Variants in VPS8 observed in about 807,000 individuals in gnomAD.
The protein encoded by VPS8 is VPS8 subunit of CORVET complex.
VPS8 carries 129 observed loss-of-function variants against 216.4 expected under a neutral mutation model. That is an observed-to-expected ratio of 0.60 (90% CI 0.52 to 0.69). VPS8 has a LOEUF of 0.69. Among genes scored for constraint, VPS8 ranks in the 30% least tolerant of loss-of-function variants. VPS8 has a pLI of 0.00. For synonymous variants in VPS8, 571 were observed against 565.4 expected, an observed-to-expected ratio of 1.01 and a Z score of -0.14; for missense variants, 1,531 against 1,683.5, an observed-to-expected ratio of 0.91 and a Z score of 1.59.
intron 36 of VPS8, among the ~76,000 whole-genome samples, chr3:184,940,718 G>A (rs924425336): frequency 6.6e-6 from 1 of 152,158 alleles, no homozygotes; most frequent in Non-Finnish European, 1.5e-5. Context: ...GGGAAGGAAA[G>A]TTTAAATGTG....
At chr3:184,843,698 T>C (rs1187955399) in intron 8 of VPS8, among the ~76,000 whole-genome samples, 1 of 152,232 alleles carries the variant, frequency 6.6e-6, no homozygotes, top group Non-Finnish European at 1.5e-5. Flanking sequence ...CTTTTCCTGT[T>C]ATATTATGAA....
At chr3:184,974,264 A>G (rs1441100842) in intron 40 of VPS8, among the ~76,000 whole-genome samples, 1 of 152,134 alleles carries the variant, frequency 6.6e-6, no homozygotes, top group Non-Finnish European at 1.5e-5. Context: ...GTAATGGCTC[A>G]TGATGACTTT....
At position 184,966,721 on chromosome 3, in the gene VPS8, C is replaced by A; in HGVS notation, c.3316+8C>A. On this transcript the variant is annotated splice_region_variant and intron_variant, in intron 39 of 47. Transcript: ENST00000625842. ...TAACACATCAAGGTGAAAGTAAGTT[C>A]TTGAAAATAATTACAACATTTTTCA... 1 of 1,576,022 alleles carries A rather than the reference C, an allele frequency of 6.3e-7. No homozygotes were observed. The highest frequency in any genetic ancestry group is 8.7e-7 in the Non-Finnish European group (1 of 1,154,900).
Position 184,995,092 on chromosome 3 carries a change from G to T in VPS8, c.3666+1029G>T, listed in dbSNP as rs1194305934. ...CGTGGTAATTCAAGATGAGATTTGG[G>T]TGGGGACACAGCCAAACCGTATCAC... On this transcript the variant is annotated intron_variant, in intron 43 of 47. Coordinates refer to ENST00000625842, the MANE Select transcript of VPS8 (RefSeq NM_001009921.3). 3.9e-5 allele frequency among the ~76,000 whole-genome samples: 6 copies of T among 152,218 alleles called. No individual in the cohort carries two copies. The South Asian group carries it at 8.3e-4, about 21-fold the overall frequency.
chr3:185,048,580 T>C (rs1461517322), intron 47 of VPS8, 21 bp downstream of exon 47: 1 of 1,612,528 alleles, frequency 6.2e-7, no homozygotes. Flanking sequence ...CGTGGTTGTT[T>C]ATATTTTTAT....
At chr3:184,918,340 A>G (rs551040440) in intron 28 of VPS8, among the ~76,000 whole-genome samples, 19 of 152,306 alleles carry the variant, frequency 1.2e-4, no homozygotes, top group South Asian at 2.1e-4. Flanking sequence ...TTTATGTCCA[A>G]ATTCACAGAT....
At chr3:184,849,227 C>G in intron 9 of VPS8, 32 bp downstream of exon 9, 2 of 1,597,270 alleles carry the variant, frequency 1.3e-6, no homozygotes, top group Non-Finnish European at 1.7e-6. Flanking sequence ...ATTCATAAGA[C>G]AATGTTAAAA....
intron 41 of VPS8, 84 bp downstream of exon 41, chr3:184,982,731 T>G: frequency 8.9e-7 from 1 of 1,124,620 alleles, no homozygotes; most frequent in Non-Finnish European, 1.3e-6. Context: ...GTATAATATC[T>G]TTTTCCAATA....
chr3:185,050,280 G>A (rs11918473), intron 47 of VPS8, among the ~76,000 whole-genome samples: 72,718 of 151,724 alleles, frequency 0.48, 17,708 homozygotes, highest in East Asian at 0.67. Flanking sequence ...AGAGGGTTAC[G>A]GAAGAAGGAA....
chr3:184,821,558 C>G (rs1335611498), intron 1 of VPS8, among the ~76,000 whole-genome samples: 1 of 151,906 alleles, frequency 6.6e-6, no homozygotes, highest in Non-Finnish European at 1.5e-5. Flanking sequence ...GTGTTGCTGC[C>G]CAGGCTGGTC....
At chr3:184,993,867 A>C in intron 42 of VPS8, 116 bp from the exon 43 acceptor site, 1 of 777,506 alleles carries the variant, frequency 1.3e-6, no homozygotes, top group Non-Finnish European at 2.0e-6. Context: ...TGGAAGAATA[A>C]ATATTTTGTG....
chr3:184,846,429 C>T (rs888040036), intron 8 of VPS8, among the ~76,000 whole-genome samples: 1 of 152,240 alleles, frequency 6.6e-6, no homozygotes, highest in Non-Finnish European at 1.5e-5. Context: ...TCCATTGCCA[C>T]TCTTCTCTAT....
intron 42 of VPS8, among the ~76,000 whole-genome samples, chr3:184,986,301 G>A (rs1358705885): frequency 6.6e-6 from 1 of 152,146 alleles, no homozygotes; most frequent in Non-Finnish European, 1.5e-5. Flanking sequence ...AGTGTGCTCA[G>A]AACATAGGAT....
At chr3:184,861,199 G>T (rs1281566789) in intron 15 of VPS8, among the ~76,000 whole-genome samples, 1 of 152,086 alleles carries the variant, frequency 6.6e-6, no homozygotes. Context: ...TTAATTTTGA[G>T]AACAATGTAA....
At chr3:184,960,927 G>A (rs1253222680) in intron 37 of VPS8, among the ~76,000 whole-genome samples, 1 of 152,206 alleles carries the variant, frequency 6.6e-6, no homozygotes, top group Non-Finnish European at 1.5e-5. Flanking sequence ...TGACTCTGTA[G>A]TGCATGCTCT....
intron 18 of VPS8, among the ~76,000 whole-genome samples, 164 bp from the exon 19 acceptor site, chr3:184,868,782 T>C (rs192768741): frequency 6.6e-6 from 1 of 152,348 alleles, no homozygotes; most frequent in African/African-American, 2.4e-5. Flanking sequence ...TACTATCTAG[T>C]GCTTGAAGAT....
At chr3:184,979,941 CTT>C (rs1282270711) in intron 40 of VPS8, among the ~76,000 whole-genome samples, 1 of 152,078 alleles carries the variant, frequency 6.6e-6, no homozygotes, top group African/African-American at 2.4e-5. Flanking sequence ...CAGTAATAGT[CTT>C]TTGTTTCCAT....
At chr3:184,986,255 A>C (rs555412947) in intron 42 of VPS8, among the ~76,000 whole-genome samples, 1 of 152,326 alleles carries the variant, frequency 6.6e-6, no homozygotes, top group South Asian at 2.1e-4. Flanking sequence ...CTTTGAGGTG[A>C]AAGCATGGTA....
chr3:184,997,793 A>G (rs953848591), intron 44 of VPS8, among the ~76,000 whole-genome samples: 8 of 152,216 alleles, frequency 5.3e-5, no homozygotes, highest in African/African-American at 1.9e-4. Context: ...TTATGAACAG[A>G]CAACTTAAAA....
Sources: gnomAD v4.1 joint callset for allele counts (sites outside exome capture counted in the v4.1 genomes callset) on GRCh38, gnomAD v4.1.1 for gene constraint, MANE v1.5 for transcripts, NCBI Gene and HGNC (gene_info 2026-07-23, HGNC 2026-07-21) for gene names.